The following ZBTB20 variants were observed in gnomAD, a reference collection of about 807,000 sequenced individuals.
The protein encoded by ZBTB20 is zinc finger and BTB domain-containing protein 20.
Under a neutral mutation model 56.9 loss-of-function variants are expected in ZBTB20, and 9 were observed. That is an observed-to-expected ratio of 0.16 (90% CI 0.10 to 0.28). ZBTB20 has a LOEUF of 0.28. Ranked by LOEUF, ZBTB20 falls within the 10% of genes least tolerant of loss-of-function variation. The probability of loss-of-function intolerance (pLI) is 1.00; values close to 1 mark genes in which losing one functional copy is unlikely to be tolerated. For missense variants in ZBTB20, 655 were observed against 1,003.0 expected, an observed-to-expected ratio of 0.65 and a Z score of 4.69; for synonymous variants, 417 against 420.7, an observed-to-expected ratio of 0.99 and a Z score of 0.11.
intron 4 of ZBTB20, among the ~76,000 whole-genome samples, chr3:114,898,444 T>A (rs1576266414): frequency 6.6e-6 from 1 of 152,278 alleles, no homozygotes; most frequent in East Asian, 1.9e-4. Context: ...TAATTTCTCA[T>A]TTTAAGGACA....
chr3:114,761,034 C>T (rs1465908473), intron 5 of ZBTB20, among the ~76,000 whole-genome samples: 1 of 152,098 alleles, frequency 6.6e-6, no homozygotes. Flanking sequence ...ATAGTAAATA[C>T]TCCTAGAAAC....
At chr3:114,863,970 G>GTTACAGAACTTAGCATT (rs1300519416) in intron 4 of ZBTB20, among the ~76,000 whole-genome samples, 3 of 151,876 alleles carry the variant, frequency 2.0e-5, no homozygotes, top group African/African-American at 7.3e-5. Context: ...TTTTAGCTGA[G>GTTACAGAACTTAGCATT]AGTTCTGTAA....
chr3:115,109,405 T>C (rs1328197589), intron 1 of ZBTB20, among the ~76,000 whole-genome samples: 4 of 152,194 alleles, frequency 2.6e-5, no homozygotes, highest in African/African-American at 9.6e-5. Flanking sequence ...AGTCTTCATA[T>C]CTTTCCAAAA....
At chr3:114,734,623 G>A (rs987222060) in intron 5 of ZBTB20, among the ~76,000 whole-genome samples, 1 of 151,948 alleles carries the variant, frequency 6.6e-6, no homozygotes, top group Non-Finnish European at 1.5e-5. Flanking sequence ...TCTAAATAAA[G>A]ATCAAAACAC....
chr3:114,941,862 G>T (rs1407878437), intron 3 of ZBTB20, among the ~76,000 whole-genome samples: 1 of 145,988 alleles, frequency 6.8e-6, no homozygotes, highest in Non-Finnish European at 1.5e-5. Flanking sequence ...ATCTGCTGAT[G>T]CTTGTTTTAC....
intron 1 of ZBTB20, among the ~76,000 whole-genome samples, chr3:115,112,675 T>G (rs1242925731): frequency 6.6e-6 from 1 of 152,216 alleles, no homozygotes; most frequent in Non-Finnish European, 1.5e-5. Context: ...TGTGTATATA[T>G]GCCACATTTT....
At chr3:114,417,527 A>G (rs1431536239) in intron 7 of ZBTB20, among the ~76,000 whole-genome samples, 2 of 152,098 alleles carry the variant, frequency 1.3e-5, no homozygotes, top group Admixed American at 1.3e-4. Flanking sequence ...ACTCTGGAGA[A>G]TAGTTTACTT....
chr3:114,681,526 A>G (rs773455348), intron 6 of ZBTB20, among the ~76,000 whole-genome samples: 3 of 152,242 alleles, frequency 2.0e-5, no homozygotes, highest in African/African-American at 2.4e-5. Flanking sequence ...ATTAAAAAAC[A>G]TAAAATCCTT....
intron 4 of ZBTB20, among the ~76,000 whole-genome samples, chr3:114,818,870 C>T (rs531104553): frequency 6.6e-6 from 1 of 151,910 alleles, no homozygotes; most frequent in South Asian, 2.1e-4. Context: ...AGGAAATAGA[C>T]AGTCATCTTT....
chr3:115,140,219 A>T (rs1187309623), intron 1 of ZBTB20, among the ~76,000 whole-genome samples: 1 of 152,078 alleles, frequency 6.6e-6, no homozygotes, highest in Non-Finnish European at 1.5e-5. Flanking sequence ...GCCGCAGTAG[A>T]ACTAGAACAA....
intron 1 of ZBTB20, among the ~76,000 whole-genome samples, chr3:115,083,694 T>C (rs2082878078): frequency 6.6e-6 from 1 of 152,012 alleles, no homozygotes; most frequent in South Asian, 2.1e-4. Flanking sequence ...TTCTACCTAT[T>C]GTCCAGCAGG....
At chr3:114,493,139 T>C (rs867874288) in intron 7 of ZBTB20, among the ~76,000 whole-genome samples, 4 of 152,204 alleles carry the variant, frequency 2.6e-5, no homozygotes, top group African/African-American at 9.6e-5. Context: ...TACATCATCT[T>C]GAGATTAGCT....
chr3:114,358,414 C>T (rs1045468596), intron 10 of ZBTB20, among the ~76,000 whole-genome samples: 2 of 152,188 alleles, frequency 1.3e-5, no homozygotes, highest in African/African-American at 4.8e-5. Flanking sequence ...TTTTTCCTCT[C>T]TTCACTCCAC....
intron 5 of ZBTB20, among the ~76,000 whole-genome samples, chr3:114,770,702 T>A (rs1279954437): frequency 1.3e-5 from 2 of 152,238 alleles, no homozygotes; most frequent in Non-Finnish European, 2.9e-5. Context: ...TAAAGTGTAT[T>A]GTATCATACA....
At chr3:114,474,753 C>G (rs1283389789) in intron 7 of ZBTB20, among the ~76,000 whole-genome samples, 1 of 152,124 alleles carries the variant, frequency 6.6e-6, no homozygotes, top group African/African-American at 2.4e-5. Flanking sequence ...CTCCCTTGCT[C>G]CCCAAATATA....
chr3:114,496,826 G>A, intron 7 of ZBTB20, among the ~76,000 whole-genome samples: 1 of 152,142 alleles, frequency 6.6e-6, no homozygotes, highest in East Asian at 1.9e-4. Flanking sequence ...TTGACTTTAG[G>A]GGGGCATTAT....
chr3:114,733,362 C>T (rs1191354267), intron 5 of ZBTB20, among the ~76,000 whole-genome samples: 1 of 152,176 alleles, frequency 6.6e-6, no homozygotes, highest in Middle Eastern at 3.2e-3. Context: ...AGTGTGCCTG[C>T]TTCTGCACAA....
At chr3:114,929,428 T>A (rs1260896750) in intron 3 of ZBTB20, among the ~76,000 whole-genome samples, 3 of 152,058 alleles carry the variant, frequency 2.0e-5, no homozygotes, top group Non-Finnish European at 4.4e-5. Context: ...AGGAAGTGAG[T>A]ATTCTGCTGT....
At chr3:114,952,730 T>C (rs928488333) in intron 3 of ZBTB20, among the ~76,000 whole-genome samples, 2 of 152,034 alleles carry the variant, frequency 1.3e-5, no homozygotes. Context: ...ACTGTGGAAT[T>C]CTCATCAGAA....
Sources: allele counts gnomAD v4.1 joint callset (sites outside exome capture counted in the v4.1 genomes callset), GRCh38; gene constraint gnomAD v4.1.1; transcripts MANE v1.5; gene names NCBI Gene and HGNC (gene_info 2026-07-23, HGNC 2026-07-21).